The following IAH1 variants were observed in gnomAD, a reference collection of about 807,000 sequenced individuals.
IAH1 encodes isoamyl acetate-hydrolyzing esterase 1 homolog.
IAH1 carries 24 observed loss-of-function variants against 26.7 expected under a neutral mutation model. The observed-to-expected ratio is 0.90, with a 90% confidence interval of 0.65 to 1.26. The LOEUF (loss-of-function observed/expected upper bound fraction) is 1.26. Ranked by LOEUF, IAH1 falls within the 50% of genes most tolerant of loss-of-function variation. The pLI is 0.00. For synonymous variants in IAH1, 140 were observed against 118.5 expected, an observed-to-expected ratio of 1.18 and a Z score of -1.18; for missense variants, 300 against 299.9, an observed-to-expected ratio of 1.00 and a Z score of 0.00.
downstream of IAH1, chr2:9,490,408 C>T (rs945619889): frequency 1.5e-5 from 24 of 1,613,982 alleles, no homozygotes; most frequent in African/African-American, 2.7e-5. Flanking sequence ...GAGCTGCTGG[C>T]GCCGAAGGGA....
the IAH1 span, among the ~76,000 whole-genome samples, chr2:9,509,682 G>T: frequency 6.6e-6 from 1 of 152,062 alleles, no homozygotes; most frequent in South Asian, 2.1e-4. Context: ...TAAAGCCTGA[G>T]CCCACCAGAC....
chr2:9,491,989 T>C (rs1170845491), downstream of IAH1, among the ~76,000 whole-genome samples: 1 of 152,202 alleles, frequency 6.6e-6, no homozygotes, highest in African/African-American at 2.4e-5. Context: ...ACCTTCAGCT[T>C]TCTTCAGCAC....
rs561182182 is a variant in IAH1, at chr2:9,477,118, CAA to C, written c.134+1081_134+1082del. On this transcript the variant is annotated intron_variant, in intron 2 of 5. Coordinates refer to ENST00000497473, the MANE Select transcript of IAH1 (RefSeq NM_001039613.3). ...TCGCATTTTATAATCATTACACACA[CAA>C]ACAATCTCTTAGAAATAAGGCTGAG... Among the ~76,000 whole-genome samples, 8 of 151,638 alleles carry C rather than the reference CAA, an allele frequency of 5.3e-5. No individual in the cohort carries two copies. The South Asian group carries it at 1.5e-3, about 28-fold the overall frequency.
At chr2:9,484,593 ACAG>A in intron 5 of IAH1, 43 bp downstream of exon 5, 1 of 1,298,198 alleles carries the variant, frequency 7.7e-7, no homozygotes. Flanking sequence ...ATAGGATCAC[ACAG>A]AAGTAAACCA....
chr2:9,475,282 T>G, intron 1 of IAH1: 1 of 1,093,774 alleles, frequency 9.1e-7, no homozygotes, highest in Non-Finnish European at 1.2e-6. Flanking sequence ...AGACAGGACT[T>G]GCTTCACCAG....
chr2:9,499,726 G>A (rs1662888530), downstream of IAH1, among the ~76,000 whole-genome samples: 2 of 152,156 alleles, frequency 1.3e-5, no homozygotes, highest in African/African-American at 2.4e-5. Flanking sequence ...ATTTGGCAAA[G>A]TAATGTGATA....
At chr2:9,510,209 C>T in the IAH1 span, 1 of 1,470,214 alleles carries the variant, frequency 6.8e-7, no homozygotes, top group African/African-American at 1.5e-5. Context: ...CCTATGCTGT[C>T]TTAAATAGAG....
At chr2:9,501,455 T>C (rs546214344), downstream of IAH1, among the ~76,000 whole-genome samples, 56 of 152,268 alleles carry the variant, frequency 3.7e-4, no homozygotes, top group African/African-American at 1.3e-3. Context: ...CACAGGTTCC[T>C]GAAGGGACGT....
downstream of IAH1, among the ~76,000 whole-genome samples, chr2:9,500,293 A>G (rs141501464): frequency 8.1e-4 from 124 of 152,374 alleles, no homozygotes; most frequent in Non-Finnish European, 1.6e-3. Context: ...GAAGCCAGTC[A>G]TACAATATGT....
the IAH1 span, chr2:9,502,153 G>A: frequency 1.9e-6 from 3 of 1,600,776 alleles, no homozygotes; most frequent in Non-Finnish European, 2.6e-6. Flanking sequence ...GCATTCCAAG[G>A]AAGCAACAAG....
intron 3 of IAH1, 132 bp from the exon 4 acceptor site, chr2:9,481,154 C>T (rs541715480): frequency 6.3e-6 from 6 of 953,476 alleles, no homozygotes; most frequent in Non-Finnish European, 9.5e-6. Flanking sequence ...AAAACCTTCT[C>T]TTTGTGTCCT....
intron 6 of IAH1, among the ~76,000 whole-genome samples, chr2:9,496,127 A>G (rs776736769): frequency 6.6e-5 from 10 of 151,138 alleles, no homozygotes; most frequent in Non-Finnish European, 1.5e-4. Context: ...TTTATTTTTT[A>G]CTTATTTATT....
chr2:9,496,988 T>A, downstream of IAH1: 2 of 1,417,072 alleles, frequency 1.4e-6, no homozygotes, highest in Non-Finnish European at 1.9e-6. Context: ...CCCTTCCCCA[T>A]CCCCTCATCC....
chr2:9,504,464 A>G, the IAH1 span, among the ~76,000 whole-genome samples: 42 of 143,414 alleles, frequency 2.9e-4, no homozygotes, highest in East Asian at 8.2e-3. Flanking sequence ...AATAAATTAA[A>G]TTAAATAAAA....
chr2:9,491,927 G>A (rs1055550432), downstream of IAH1, among the ~76,000 whole-genome samples: 2 of 152,170 alleles, frequency 1.3e-5, no homozygotes, highest in South Asian at 2.1e-4. Context: ...AGAAGCAATC[G>A]TGATGGATGG....
chr2:9,484,524 C>T lies in IAH1; in HGVS notation c.538C>T (p.Leu180=), dbSNP rs1661365030. 2.5e-6 allele frequency: 4 copies of T among 1,613,892 alleles called. No individual in the cohort carries two copies. The highest frequency in any genetic ancestry group is 2.2e-5 in the South Asian group (2 of 91,056). The part of the protein sequence containing the change: ...AQDCGTDVLD[L]WTLMQDSQDF... ...AGACTGTGGGACTGACGTACTTGACCTGTGGACCCTGATGCAGGACAGCCA... is the reference window on the plus strand; with the variant it reads ...AGACTGTGGGACTGACGTACTTGACTTGTGGACCCTGATGCAGGACAGCCA... Residue 180 remains leucine, a synonymous_variant, in exon 5 of 6, where the codon CTG becomes TTG. Transcript: ENST00000497473.
chr2:9,504,845 A>G, the IAH1 span, among the ~76,000 whole-genome samples: 1 of 151,696 alleles, frequency 6.6e-6, no homozygotes, highest in African/African-American at 2.4e-5. Context: ...TTGTTACATA[A>G]TGTCACACTG....
At chr2:9,506,951 G>C in the IAH1 span, 1 of 152,118 alleles carries the variant, frequency 6.6e-6, no homozygotes, top group Admixed American at 6.5e-5. Flanking sequence ...GCTTCTGTTT[G>C]CATCCTTGTC....
At chr2:9,490,024 C>T (rs1359738428), downstream of IAH1, 1 of 705,236 alleles carries the variant, frequency 1.4e-6, no homozygotes, top group African/African-American at 1.8e-5. Flanking sequence ...GGCCAAACCA[C>T]ACAAGAACTG....
Sources: gnomAD v4.1 joint callset for allele counts (sites outside exome capture counted in the v4.1 genomes callset) on GRCh38, gnomAD v4.1.1 for gene constraint, MANE v1.5 for transcripts, NCBI Gene and HGNC (gene_info 2026-07-23, HGNC 2026-07-21) for gene names.